The following SYNRG variants were observed in gnomAD, a reference collection of about 807,000 sequenced individuals.
SYNRG encodes synergin gamma.
SYNRG carries 37 observed loss-of-function variants against 130.9 expected under a neutral mutation model. The observed-to-expected ratio is 0.28, with a 90% CI of 0.22 to 0.37. SYNRG has a LOEUF of 0.37. Among genes scored for constraint, SYNRG ranks in the 10% least tolerant of loss-of-function variants. The probability of loss-of-function intolerance (pLI) is 1.00; values close to 1 mark genes in which losing one functional copy is unlikely to be tolerated. For missense variants in SYNRG, 1,338 were observed against 1,588.9 expected (o/e 0.84, Z 2.68); for synonymous variants, 539 against 568.1 (o/e 0.95, Z 0.73).
At chr17:37,525,340 A>G (rs2143979942) in intron 19 of SYNRG, among the ~76,000 whole-genome samples, 2 of 152,340 alleles carry the variant, frequency 1.3e-5, no homozygotes, top group South Asian at 4.1e-4. Flanking sequence ...GAGATATATA[A>G]TCCTGAATCT....
At position 37,542,173 on chromosome 17, in the gene SYNRG, C is replaced by T. The variant is rs765517799; in HGVS notation, c.3001G>A (p.Glu1001Lys). ...QDLPTAERSQ[E>K]ATCPSPASSG... ...GACGCTGGGCTGGGACACGTGGCCT[C>T]CTGGCTCCGTTCAGCCGTAGGCAGG... is the stretch of plus-strand genomic sequence containing the variant. The change falls in exon 15 of 22, where the codon GAG becomes AAG. Residue 1001 changes from glutamate to lysine, a missense_variant. Transcript: ENST00000612223. 7 of 1,614,080 alleles carry T rather than the reference C, an allele frequency of 4.3e-6. No homozygotes were observed. The highest frequency in any genetic ancestry group is 4.2e-6 in the Non-Finnish European group (5 of 1,180,048).
chr17:37,599,832 TATA>T (rs1468387470), intron 2 of SYNRG, among the ~76,000 whole-genome samples: 3 of 152,226 alleles, frequency 2.0e-5, no homozygotes, highest in Non-Finnish European at 2.9e-5. Flanking sequence ...AAAACATGAT[TATA>T]ATAAGATACT....
rs765621244 is a variant in SYNRG at position 37,533,926 on chromosome 17, C to CTTTT, written c.3666+2049_3666+2052dup. Among the ~76,000 whole-genome samples the CTTTT allele has an allele frequency of 7.9e-3, 457 of 57,812 alleles. 94 individuals are homozygous for CTTTT. The highest frequency in any genetic ancestry group is 0.022 in the Admixed American group (88 of 4,026). The allele number at this position is 57,812 out of a possible 152,430, so 37.9% of individuals were successfully genotyped here. On this transcript the variant is annotated intron_variant, in intron 19 of 21. Transcript: ENST00000612223. ...AGGTTTCTAAACTTCATTTTCTTTT[C>CTTTT]TTTTTTTTTTTTTTTTTTTTTTTTT...
Position 37,561,330 on chromosome 17 carries a change from T to C in SYNRG, c.1601-73A>G, listed in dbSNP as rs1415866980. 5 of 1,541,838 alleles carry C rather than the reference T, an allele frequency of 3.2e-6. No individual in the cohort carries two copies. The African/African-American group carries it at 6.8e-5, about 21-fold the overall frequency. On this transcript the variant is annotated intron_variant, in intron 12 of 21. Transcript: ENST00000612223. ...TCACAGCTCCAGGAAGTGAGGCAGA[T>C]TGGTTTAACCAAACACTATTAACAT...
chr17:37,571,637 C>T (rs2060441917), intron 9 of SYNRG, among the ~76,000 whole-genome samples, 154 bp downstream of exon 9: 1 of 152,140 alleles, frequency 6.6e-6, no homozygotes, highest in African/African-American at 2.4e-5. Context: ...CTATTATGCA[C>T]ATCTTATAAA....
Position 37,520,151 on chromosome 17 carries a change from G to A in SYNRG, c.3813+28C>T, listed in dbSNP as rs371411519. ...CCACACTCAAAATTAAAATGGAGAC[G>A]CTAAGATAAGGTGTAACTGGTTCAT... On this transcript the variant is annotated intron_variant, in intron 21 of 21. Coordinates refer to ENST00000612223, the MANE Select transcript of SYNRG (RefSeq NM_007247.6). The A allele has an allele frequency of 4.2e-5, 68 of 1,613,760 alleles. No individual in the cohort carries two copies. The African/African-American group carries it at 6.1e-4, about 15-fold the overall frequency.
At chr17:37,538,688 G>A (rs907406637) in intron 17 of SYNRG, among the ~76,000 whole-genome samples, 4 of 152,166 alleles carry the variant, frequency 2.6e-5, no homozygotes, top group African/African-American at 2.4e-5. Context: ...CCTGACTCCC[G>A]GGTTCAAGTG....
At position 37,571,989 on chromosome 17, in the gene SYNRG, TATTAAAGGAAAG is replaced by T; in HGVS notation, c.902-14_902-3del. 6.2e-7 allele frequency: 1 copy of T among 1,607,524 alleles called. No homozygotes were observed. On this transcript the variant is annotated splice_polypyrimidine_tract_variant and splice_region_variant and intron_variant, in intron 8 of 21. Transcript: ENST00000612223. ...TTTCTAAGATTTTCTTATAGGCATCTATTAAAGGAAAGACCAGATTACAAATGGAAACACATT... is the reference window on the plus strand; with the variant it reads ...TTTCTAAGATTTTCTTATAGGCATCTACCAGATTACAAATGGAAACACATT...
chr17:37,587,313 C>T (rs2061772675), intron 3 of SYNRG, among the ~76,000 whole-genome samples: 1 of 151,998 alleles, frequency 6.6e-6, no homozygotes, highest in Admixed American at 6.6e-5. Flanking sequence ...TGGCACCTGG[C>T]TCAAAATCTA....
intron 4 of SYNRG, 102 bp from the exon 5 acceptor site, chr17:37,585,532 A>G (rs2061629905): frequency 1.3e-6 from 1 of 763,366 alleles, no homozygotes; most frequent in Admixed American, 2.6e-5. Flanking sequence ...TTGCACTTCC[A>G]GAAGTGTAAA....
At chr17:37,584,467 T>C (rs1416701029) in intron 6 of SYNRG, 181 bp downstream of exon 6, 1 of 483,736 alleles carries the variant, frequency 2.1e-6, no homozygotes, top group Admixed American at 3.5e-5. Context: ...CCCAAGACAG[T>C]TGTTATCCAG....
At chr17:37,525,557 G>A (rs895007242) in intron 19 of SYNRG, among the ~76,000 whole-genome samples, 3 of 152,244 alleles carry the variant, frequency 2.0e-5, no homozygotes, top group Non-Finnish European at 4.4e-5. Flanking sequence ...TAAGCCGGGA[G>A]TATGGTGGCT....
Position 37,586,524 on chromosome 17 carries a change from G to A in SYNRG, c.266C>T (p.Pro89Leu). The A allele has an allele frequency of 1.2e-6, 2 of 1,614,084 alleles. No individual in the cohort carries two copies. The highest frequency in any genetic ancestry group is 1.1e-5 in the South Asian group (1 of 91,086). The stretch of plus-strand genomic sequence containing the variant: ...TCCTAGGTAAGGCATTCCCGCTGCT[G>A]GCATTGGTCCCATTGGTATTCCTGC... ...MQAGIPMGPM[P>L]AAGMPYLGQA... is the part of the protein sequence containing the mutation. Residue 89 changes from proline (P) to leucine (L), a missense_variant, in exon 4 of 22, where the codon CCA becomes CTA. Physicochemically the swap from Pro to Leu is moderately conservative, Grantham distance 98. Around this residue, in one of 3 missense-constraint regions of SYNRG, gnomAD observed 184 missense variants for 217.2 expected, o/e 0.85. Coordinates refer to ENST00000612223, the MANE Select transcript of SYNRG (RefSeq NM_007247.6).
chr17:37,571,719 TA>T, intron 9 of SYNRG, 71 bp downstream of exon 9: 1 of 1,374,548 alleles, frequency 7.3e-7, no homozygotes, highest in Non-Finnish European at 1.0e-6. Context: ...CACAATGTAG[TA>T]AAAAAGATTT....
Position 37,518,544 on chromosome 17 carries a change from A to C in SYNRG, c.*396T>G, listed in dbSNP as rs2054598479. On this transcript the variant is annotated 3_prime_UTR_variant, in exon 22 of 22. Transcript: ENST00000612223. Reference sequence around the variant, plus strand: ...AATGTATTCTACTTCACAGGACAGTAAGTGTCCTAGATAAAAACAAGCACT... The same window carrying C: ...AATGTATTCTACTTCACAGGACAGTCAGTGTCCTAGATAAAAACAAGCACT... 5.4e-6 allele frequency: 1 copy of C among 185,022 alleles called. No individual in the cohort carries two copies. Among genetic ancestry groups the C allele is most frequent in the South Asian group, 1.6e-4 (1 of 6,382 alleles). 11.5% of individuals were successfully genotyped at this position (185,022 alleles called of 1,614,324 possible).
chr17:37,581,775 T>C (rs2061361234), intron 6 of SYNRG, among the ~76,000 whole-genome samples: 1 of 142,276 alleles, frequency 7.0e-6, no homozygotes, highest in African/African-American at 2.6e-5. Flanking sequence ...CTTTTTTTTT[T>C]TTTTTTTGAG....
chr17:37,608,541 C>G (rs2064021822), intron 1 of SYNRG, among the ~76,000 whole-genome samples: 1 of 152,160 alleles, frequency 6.6e-6, no homozygotes, highest in African/African-American at 2.4e-5. Flanking sequence ...CACGGCAGTT[C>G]TTGGCTGAAA....
chr17:37,608,722 T>C lies in SYNRG; in HGVS notation c.77+557A>G, dbSNP rs574609525. On this transcript the variant is annotated intron_variant, in intron 1 of 21. Transcript: ENST00000612223. ...GACAAGAACTCTATCTCAAGACCAT[T>C]ACTAATTCAGAGGTCTTTAGATGTT... 2.0e-5 allele frequency among the ~76,000 whole-genome samples: 3 copies of C among 152,294 alleles called. No homozygotes were observed. The South Asian group carries it at 6.2e-4, about 32-fold the overall frequency.
chr17:37,585,104 C>A (rs2061595572), intron 5 of SYNRG, among the ~76,000 whole-genome samples: 1 of 152,204 alleles, frequency 6.6e-6, no homozygotes, highest in Admixed American at 6.5e-5. Flanking sequence ...TAAAAAAGAG[C>A]TGAAAAGATA....
Sources: allele counts gnomAD v4.1 joint callset (sites outside exome capture counted in the v4.1 genomes callset), GRCh38; gene constraint gnomAD v4.1.1; regional missense constraint gnomAD v4.1.1; transcripts MANE v1.5; gene names NCBI Gene and HGNC (gene_info 2026-07-23, HGNC 2026-07-21).